Variants in C12orf56 observed in about 807,000 individuals in gnomAD.
C12orf56 encodes uncharacterized protein C12orf56.
C12orf56 carries 71 observed loss-of-function variants against 69.9 expected under a neutral mutation model. The observed-to-expected ratio is 1.02, with a 90% CI of 0.84 to 1.24. The LOEUF (loss-of-function observed/expected upper bound fraction) is 1.24, where lower values mean the gene tolerates loss of function less well. Ranked by LOEUF, C12orf56 falls within the 50% of genes most tolerant of loss-of-function variation. C12orf56 has a pLI of 0.00. For missense variants in C12orf56, 732 were observed against 738.5 expected, an observed-to-expected ratio of 0.99 and a Z score of 0.10; for synonymous variants, 276 against 274.1, an observed-to-expected ratio of 1.01 and a Z score of -0.07.
At chr12:64,349,792 G>C (rs140319317) in intron 2 of C12orf56, among the ~76,000 whole-genome samples, 46 of 152,200 alleles carry the variant, frequency 3.0e-4, no homozygotes, top group African/African-American at 1.1e-3. Flanking sequence ...AGGATACAAA[G>C]GCATAAGAAT....
chr12:64,306,022 C>G (rs966979288), intron 5 of C12orf56, among the ~76,000 whole-genome samples: 1 of 152,032 alleles, frequency 6.6e-6, no homozygotes, highest in African/African-American at 2.4e-5. Flanking sequence ...GTTTTTAATC[C>G]TTTGCCAACT....
At chr12:64,349,352 C>A (rs1324870450) in intron 2 of C12orf56, among the ~76,000 whole-genome samples, 2 of 152,042 alleles carry the variant, frequency 1.3e-5, no homozygotes, top group Non-Finnish European at 2.9e-5. Context: ...TGGCCATAAT[C>A]AAAAAATCAA....
chr12:64,380,632 G>A (rs1565783399), intron 1 of C12orf56, among the ~76,000 whole-genome samples: 1 of 152,176 alleles, frequency 6.6e-6, no homozygotes, highest in Non-Finnish European at 1.5e-5. Flanking sequence ...ATGGGGGAAT[G>A]GTACTTTTAG....
intron 1 of C12orf56, among the ~76,000 whole-genome samples, chr12:64,379,576 G>T (rs142923131): frequency 6.6e-6 from 1 of 151,406 alleles, no homozygotes; most frequent in African/African-American, 2.4e-5. Flanking sequence ...GTGAGCCACC[G>T]CGCCCAGCCT....
At chr12:64,354,615 G>T (rs966338623) in intron 1 of C12orf56, among the ~76,000 whole-genome samples, 1 of 151,658 alleles carries the variant, frequency 6.6e-6, no homozygotes, top group African/African-American at 2.4e-5. Context: ...CTGCCACCAC[G>T]CCTGGCTAAT....
At chr12:64,274,358 G>C (rs1219412073) in intron 11 of C12orf56, among the ~76,000 whole-genome samples, 1 of 152,204 alleles carries the variant, frequency 6.6e-6, no homozygotes, top group Non-Finnish European at 1.5e-5. Context: ...CCATGTTAAG[G>C]AGTTTAGTCT....
intron 2 of C12orf56, among the ~76,000 whole-genome samples, chr12:64,332,177 G>T (rs540450073): frequency 1.3e-5 from 2 of 151,770 alleles, no homozygotes; most frequent in African/African-American, 4.8e-5. Flanking sequence ...GGTAGGGTGG[G>T]CCTGTAGTCC....
intron 6 of C12orf56, among the ~76,000 whole-genome samples, chr12:64,301,127 T>C (rs1445324462): frequency 6.6e-6 from 1 of 152,198 alleles, no homozygotes; most frequent in East Asian, 1.9e-4. Context: ...TGTGGAACTG[T>C]AAGTCTGTGG....
rs534106623 is a variant in C12orf56 at position 64,314,937 on chromosome 12, CTTTTTTTTTTTTTTTTTTTTT to C, written c.895-2206_895-2186del. ...GGAGTGAGCCACCGCATCCGGCCAG[CTTTTTTTTTTTTTTTTTTTTT>C]TTTTTTTTTTGAGACGGAGTTTAGC... On this transcript the variant is annotated intron_variant, in intron 4 of 12. Transcript: ENST00000543942. Among the ~76,000 whole-genome samples the C allele has an allele frequency of 2.9e-3, 128 of 44,654 alleles. 2 individuals are homozygous for C. Among genetic ancestry groups the C allele is most frequent in the African/African-American group, 0.012 (121 of 10,446 alleles). 29.3% of individuals were successfully genotyped at this position (44,654 alleles called of 152,430 possible).
chr12:64,380,490 G>A (rs565696792), intron 1 of C12orf56, among the ~76,000 whole-genome samples: 1 of 152,270 alleles, frequency 6.6e-6, no homozygotes, highest in East Asian at 1.9e-4. Flanking sequence ...GAACAAGAGA[G>A]GCAAGGTCCT....
chr12:64,369,480 G>A (rs1317399806), intron 1 of C12orf56, among the ~76,000 whole-genome samples: 1 of 152,172 alleles, frequency 6.6e-6, no homozygotes, highest in African/African-American at 2.4e-5. Flanking sequence ...TTACAGGCGA[G>A]AGCCACTGTG....
intron 1 of C12orf56, among the ~76,000 whole-genome samples, chr12:64,357,892 T>C (rs2039341348): frequency 6.7e-6 from 1 of 150,316 alleles, no homozygotes; most frequent in Non-Finnish European, 1.5e-5. Context: ...AGAGGGAGAC[T>C]CCATCTCAAA....
At position 64,270,606 on chromosome 12, in the gene C12orf56, G is replaced by C; in HGVS notation, c.1693C>G (p.Leu565Val). 6.2e-7 allele frequency: 1 copy of C among 1,613,712 alleles called. No homozygotes were observed. The highest frequency in any genetic ancestry group is 8.5e-7 in the Non-Finnish European group (1 of 1,179,776). The change falls in exon 12 of 13, where the codon CTC (leucine) becomes GTC (valine). Residue 565 changes from leucine (L) to valine (V), a missense_variant. Coordinates refer to ENST00000543942, the MANE Select transcript of C12orf56 (RefSeq NM_001170633.2). The part of the protein sequence containing the change: ...AVLLYQQFYI[L>V]KSCLRHSRTL... ...CTGCTGTGCCGCAGACAGCTCTTGA[G>C]GATGTAAAATTGCTGGTACAACAGA...
intron 1 of C12orf56, among the ~76,000 whole-genome samples, chr12:64,378,843 G>A (rs66570024): frequency 0.44 from 67,025 of 151,318 alleles, 16,516 homozygotes; most frequent in Non-Finnish European, 0.56. Context: ...TTGAGGCCAG[G>A]AGTTTGAGAC....
intron 1 of C12orf56, among the ~76,000 whole-genome samples, chr12:64,360,031 A>G (rs2039378554): frequency 6.6e-6 from 1 of 152,180 alleles, no homozygotes; most frequent in Admixed American, 6.5e-5. Context: ...ATTTCTTTAA[A>G]GGGACAAAGC....
At chr12:64,273,913 G>A (rs752607634) in intron 11 of C12orf56, among the ~76,000 whole-genome samples, 7 of 152,150 alleles carry the variant, frequency 4.6e-5, no homozygotes, top group Non-Finnish European at 7.3e-5. Flanking sequence ...CCCACCATGT[G>A]CCCAGAAGGA....
At chr12:64,353,427 G>C (rs1294696319) in intron 1 of C12orf56, among the ~76,000 whole-genome samples, 1 of 151,934 alleles carries the variant, frequency 6.6e-6, no homozygotes, top group East Asian at 1.9e-4. Flanking sequence ...ACAGTGCTGG[G>C]ATTACAGGCA....
chr12:64,340,530 A>G (rs1418647551), intron 2 of C12orf56, among the ~76,000 whole-genome samples: 1 of 152,190 alleles, frequency 6.6e-6, no homozygotes, highest in East Asian at 1.9e-4. Context: ...CCTTTGTACA[A>G]CCAGAAATGC....
chr12:64,284,487 C>T (rs1036139370), intron 8 of C12orf56, among the ~76,000 whole-genome samples, 177 bp downstream of exon 8: 1 of 152,150 alleles, frequency 6.6e-6, no homozygotes, highest in African/African-American at 2.4e-5. Context: ...AGAGAGAACT[C>T]GGCCTGTGCC....
Sources: allele counts gnomAD v4.1 joint callset (sites outside exome capture counted in the v4.1 genomes callset), GRCh38; gene constraint gnomAD v4.1.1; transcripts MANE v1.5; gene names NCBI Gene and HGNC (gene_info 2026-07-23, HGNC 2026-07-21).